Variants in PRG2 observed in about 807,000 individuals in gnomAD.
PRG2 encodes bone marrow proteoglycan.
In PRG2, 23 loss-of-function variants were observed where a neutral mutation model predicts 24.7. The observed-to-expected ratio is 0.93, with a 90% CI of 0.67 to 1.32. The LOEUF (loss-of-function observed/expected upper bound fraction) is 1.32, where lower values mean the gene tolerates loss of function less well. Among genes scored for constraint, PRG2 ranks in the 40% most tolerant of loss-of-function variants. The probability of loss-of-function intolerance (pLI) is 0.00; values close to 1 mark genes in which losing one functional copy is unlikely to be tolerated. For missense variants in PRG2, 271 were observed against 280.9 expected (o/e 0.96, Z 0.25); for synonymous variants, 104 against 99.8 (o/e 1.04, Z -0.25).
intron 5 of PRG2, 39 bp from the exon 6 acceptor site, chr11:57,387,572 T>C (rs770251686): frequency 3.8e-6 from 6 of 1,592,396 alleles, no homozygotes; most frequent in African/African-American, 2.7e-5. Context: ...CAGCCTCTTG[T>C]CCATCCCAAC....
chr11:57,390,567 A>T, intron 1 of PRG2, 29 bp downstream of exon 1: 1 of 984,518 alleles, frequency 1.0e-6, no homozygotes, highest in Non-Finnish European at 1.2e-6. Context: ...AACTGTCACC[A>T]GCTCCACCAC....
rs766528959 is a variant in PRG2 at position 57,387,493 on chromosome 11, A to G, written c.651T>C (p.Pro217=). Residue 217 remains proline, a synonymous_variant, in exon 6 of 6, where the codon CCT becomes CCC. Transcript: ENST00000311862. ...GACCAGCTCAGTAGGAACAGATGAA[A>G]GGAAGTCTTCTGAGGCAGTGGGCTC... ...WRRAHCLRRL[P]FICSY The G allele has an allele frequency of 1.8e-5, 29 of 1,613,842 alleles. No individual in the cohort carries two copies. Among genetic ancestry groups the G allele is most frequent in the Non-Finnish European group, 1.9e-5 (23 of 1,179,970 alleles).
intron 3 of PRG2, 148 bp from the exon 4 acceptor site, chr11:57,388,856 C>A (rs140424569): frequency 7.4e-5 from 105 of 1,417,762 alleles, no homozygotes; most frequent in Non-Finnish European, 9.3e-5. Context: ...TTGTAGGTGG[C>A]CCTCCCCTCT....
chr11:57,387,635 G>T, intron 5 of PRG2, 102 bp from the exon 6 acceptor site: 1 of 1,383,190 alleles, frequency 7.2e-7, no homozygotes. Context: ...TGGAGTCAGA[G>T]TATATAAAAG....
chr11:57,388,877 C>T (rs1435672370), intron 3 of PRG2, 133 bp downstream of exon 3: 7 of 1,428,866 alleles, frequency 4.9e-6, no homozygotes, highest in Non-Finnish European at 6.6e-6. Flanking sequence ...TACCCCAACA[C>T]CTCTCTGAGG....
Position 57,387,218 on chromosome 11 carries a change from C to T in PRG2, c.*257G>A, listed in dbSNP as rs2134470073. 2.3e-6 allele frequency: 1 copy of T among 429,548 alleles called. No individual in the cohort carries two copies. Among genetic ancestry groups the T allele is most frequent in the Non-Finnish European group, 4.1e-6 (1 of 241,350 alleles). The allele number at this position is 429,548 out of a possible 1,614,324, so 26.6% of individuals were successfully genotyped here. ...CTCCATCTCCAAAAGGCTCCATAGA[C>T]CCAACTCCACCCTCCATCCTCCTCC... is the stretch of plus-strand genomic sequence containing the variant. On this transcript the variant is annotated 3_prime_UTR_variant, in exon 6 of 6. Transcript: ENST00000311862.
At chr11:57,389,362 TG>T in intron 2 of PRG2, 45 bp from the exon 3 acceptor site, 1 of 1,572,926 alleles carries the variant, frequency 6.4e-7, no homozygotes, top group African/African-American at 1.3e-5. Context: ...CATCTCCCCT[TG>T]TTCCTCCCCA....
In PRG2 at chr11:57,387,817, C is replaced by T. The variant is rs147741332; in HGVS notation, c.547G>A (p.Ala183Thr). Reference sequence around the variant, plus strand: ...CAGGGCTGGTGAGCAGCCCAGTATGCAAAGTTCCAGCGGCTGCCGTCAACC... The same window carrying T: ...CAGGGCTGGTGAGCAGCCCAGTATGTAAAGTTCCAGCGGCTGCCGTCAACC... ...QWVDGSRWNFAYWAAHQPWSR... is the reference protein window; with the variant it reads ...QWVDGSRWNFTYWAAHQPWSR... Residue 183 changes from alanine (A) to threonine (T), a missense_variant, in exon 5 of 6, where the codon GCA becomes ACA. Physicochemically the swap from Ala to Thr is moderately conservative, Grantham distance 58 (BLOSUM62 0). Transcript: ENST00000311862. The T allele has an allele frequency of 9.5e-6, 15 of 1,585,068 alleles. No homozygotes were observed. The African/African-American group carries it at 1.7e-4, about 18-fold the overall frequency.
At position 57,387,317 on chromosome 11, in the gene PRG2, T is replaced by C. The variant is rs1279938179; in HGVS notation, c.*158A>G. The C allele has an allele frequency of 1.5e-5, 9 of 608,832 alleles. No individual in the cohort carries two copies. Among genetic ancestry groups the C allele is most frequent in the African/African-American group, 1.3e-4 (7 of 53,704 alleles). The allele number at this position is 608,832 out of a possible 1,614,324, so 37.7% of individuals were successfully genotyped here. A position where few individuals can be genotyped will look rare whatever the true frequency, so the allele number is the denominator to read the frequency against. ...AGAGATGATAAGGAAGAAGTTTCAA[T>C]GAGGGCTAAGCAGAGTGGATCCGCG... On this transcript the variant is annotated 3_prime_UTR_variant, in exon 6 of 6. Transcript: ENST00000311862.
Position 57,387,293 on chromosome 11 carries a change from G to C in PRG2, c.*182C>G, listed in dbSNP as rs372514754. ...TTCTATGAAAGTTGTGGTGTGGGGA[G>C]AGATGATAAGGAAGAAGTTTCAATG... On this transcript the variant is annotated 3_prime_UTR_variant, in exon 6 of 6. Coordinates refer to ENST00000311862, the MANE Select transcript of PRG2 (RefSeq NM_002728.6). The C allele has an allele frequency of 1.8e-6, 1 of 559,302 alleles. No homozygotes were observed. Among genetic ancestry groups the C allele is most frequent in the Non-Finnish European group, 3.2e-6 (1 of 317,262 alleles). The allele number at this position is 559,302 out of a possible 1,614,324, so 34.6% of individuals were successfully genotyped here. A position where few individuals can be genotyped will look rare whatever the true frequency, so the allele number is the denominator to read the frequency against.
intron 3 of PRG2, 132 bp downstream of exon 3, chr11:57,388,878 C>T: frequency 7.0e-7 from 1 of 1,426,496 alleles, no homozygotes. Flanking sequence ...ACCCCAACAC[C>T]TCTCTGAGGC....
chr11:57,390,483 C>G (rs1178484731), intron 1 of PRG2, 113 bp downstream of exon 1: 2 of 672,162 alleles, frequency 3.0e-6, no homozygotes, highest in Non-Finnish European at 3.7e-6. Flanking sequence ...TCCTCATAAC[C>G]TGAAAGCCAC....
At chr11:57,388,555 T>C (rs1398461825) in intron 4 of PRG2, 22 bp downstream of exon 4, 5 of 1,613,056 alleles carry the variant, frequency 3.1e-6, no homozygotes, top group Non-Finnish European at 4.2e-6. Context: ...TGCACCCCAT[T>C]TAGTGTTCAC....
At position 57,387,387 on chromosome 11, in the gene PRG2, G is replaced by A. The variant is rs565470640; in HGVS notation, c.*88C>T. ...CCATTTCAGTAAAACCCATTTTATT[G>A]CAGGGAGGTGGAGGGAGGGATGGCA... On this transcript the variant is annotated 3_prime_UTR_variant, in exon 6 of 6. Transcript: ENST00000311862. The A allele has an allele frequency of 8.7e-7, 1 of 1,145,054 alleles. No individual in the cohort carries two copies. The highest frequency in any genetic ancestry group is 1.4e-5 in the South Asian group (1 of 72,886). 70.9% of individuals were successfully genotyped at this position (1,145,054 alleles called of 1,614,324 possible).
Position 57,388,698 on chromosome 11 carries a change from C to G in PRG2, c.377G>C (p.Arg126Pro). Residue 126 changes from arginine to proline, a missense_variant, in exon 4 of 6, where the codon CGG (arginine) becomes CCG (proline). Physicochemically the swap from Arg to Pro is moderately radical, Grantham distance 103. Transcript: ENST00000311862. The part of the protein sequence containing the change: ...QTFSQAWFTC[R>P]RCYRGNLVSI... ...AACCAGGTTGCCCCTGTAGCACCTC[C>G]GGCAAGTAAACTACAGGGCAGGATA... is the stretch of plus-strand genomic sequence containing the variant. 1 of 1,614,030 alleles carries G rather than the reference C, an allele frequency of 6.2e-7. No individual in the cohort carries two copies. The highest frequency in any genetic ancestry group is 8.5e-7 in the Non-Finnish European group (1 of 1,179,966).
rs1006001504 is a variant in PRG2 at position 57,389,436 on chromosome 11, G to C, written c.59-119C>G. 6 of 1,121,062 alleles carry C rather than the reference G, an allele frequency of 5.4e-6. No homozygotes were observed. The East Asian group carries it at 1.5e-4, about 29-fold the overall frequency. 69.4% of individuals were successfully genotyped at this position (1,121,062 alleles called of 1,614,324 possible). A position where few individuals can be genotyped will look rare whatever the true frequency, so the allele number is the denominator to read the frequency against. On this transcript the variant is annotated intron_variant, in intron 2 of 5. Transcript: ENST00000311862. ...AGTGCTCAACTCTGCCTGGGAAGGG[G>C]AACCTGGAACCCAGTCTCTATGAGG...
intron 4 of PRG2, among the ~76,000 whole-genome samples, chr11:57,388,196 C>T (rs771018280): frequency 1.1e-4 from 17 of 151,660 alleles, no homozygotes; most frequent in Non-Finnish European, 2.2e-4. Context: ...ATTTTTGAGG[C>T]GGAGTTTCGC....
chr11:57,389,591 T>C (rs1183062242), intron 2 of PRG2, among the ~76,000 whole-genome samples: 4 of 152,212 alleles, frequency 2.6e-5, no homozygotes, highest in African/African-American at 9.6e-5. Context: ...CAATACCACC[T>C]ACTTCATGGC....
intron 3 of PRG2, 121 bp from the exon 4 acceptor site, chr11:57,388,829 C>T (rs1857100173): frequency 1.4e-6 from 2 of 1,466,360 alleles, no homozygotes; most frequent in Non-Finnish European, 1.8e-6. Context: ...GGTTGGAGAC[C>T]AAAATGCAAC....
Sources: allele counts gnomAD v4.1 joint callset (sites outside exome capture counted in the v4.1 genomes callset), GRCh38; gene constraint gnomAD v4.1.1; transcripts MANE v1.5; gene names NCBI Gene and HGNC (gene_info 2026-07-23, HGNC 2026-07-21).